Variants in GOLGA8S observed in about 807,000 individuals in gnomAD.
GOLGA8S encodes golgin subfamily A member 8S.
In GOLGA8S, 23 loss-of-function variants were observed where a neutral mutation model predicts 58.9. The ratio of observed to expected loss-of-function variants is 0.39; its 90% confidence interval spans 0.28 to 0.55. GOLGA8S has a LOEUF of 0.55. Ranked by LOEUF, GOLGA8S falls within the 20% of genes least tolerant of loss-of-function variation. GOLGA8S has a pLI of 0.63. For synonymous variants in GOLGA8S, 84 were observed against 195.7 expected (o/e 0.43, Z 4.76); for missense variants, 266 against 514.2 (o/e 0.52, Z 4.67).
rs755924931 is a variant in GOLGA8S, at chr15:23,360,768, G to A, written c.827G>A (p.Arg276Gln). Residue 276 changes from arginine to glutamine, a missense_variant, in exon 11 of 19, where the codon CGG (arginine) becomes CAG (glutamine). By Grantham distance (43) the Arg-to-Gln change is conservative. Transcript: ENST00000562295. ...AAGGAGAAGAAGCATGATAAATATC[G>A]GGTAGAGACGCTGGAGAGGAGCTTG... 20 of 1,380,954 alleles carry A rather than the reference G, an allele frequency of 1.4e-5. 1 individual carries two copies. Among genetic ancestry groups the A allele is most frequent in the Non-Finnish European group, 1.9e-5 (18 of 971,384 alleles). The allele number at this position is 1,380,954 out of a possible 1,614,324, so 85.5% of individuals were successfully genotyped here. A position where few individuals can be genotyped will look rare whatever the true frequency, so the allele number is the denominator to read the frequency against.
intron 13 of GOLGA8S, among the ~76,000 whole-genome samples, chr15:23,362,593 G>T (rs1250683733): frequency 7.2e-6 from 1 of 138,794 alleles, no homozygotes. Context: ...ATGGTGGTTG[G>T]CTCCCACTAC....
exon 11 of GOLGA8S, chr15:23,360,783 A>G: frequency 1.4e-6 from 2 of 1,429,522 alleles, no homozygotes; most frequent in Non-Finnish European, 2.0e-6. Context: ...GAGACGCTGG[A>G]GAGGAGCTTG....
chr15:23,366,202 A>T (rs1041576098), downstream of GOLGA8S: 2 of 151,684 alleles, frequency 1.3e-5, no homozygotes, highest in African/African-American at 4.8e-5. Flanking sequence ...GCTCTAGTCA[A>T]GAATGAATTA....
At chr15:23,364,308 G>C (rs780347160) in intron 15 of GOLGA8S, 35 bp from the exon 16 acceptor site, 1 of 1,596,564 alleles carries the variant, frequency 6.3e-7, no homozygotes, top group East Asian at 2.2e-5. Context: ...AGGGCAGGTC[G>C]CTGCCGAGAT....
chr15:23,365,067 C>G lies in GOLGA8S; in HGVS notation c.1811C>G (p.Pro604Arg), dbSNP rs769586314. 7 of 1,580,540 alleles carry G rather than the reference C, an allele frequency of 4.4e-6. 2 individuals carry two copies. Among genetic ancestry groups the G allele is most frequent in the African/African-American group, 4.2e-5 (3 of 70,970 alleles). Residue 604 changes from proline (P) to arginine (R), a missense_variant, in exon 19 of 19, where the codon CCA (proline) becomes CGA (arginine). Around this residue, in one of 6 missense-constraint regions of GOLGA8S, gnomAD observed 36 missense variants for 39.6 expected, o/e 0.91. Transcript: ENST00000562295. ...ATCGTGCAGGACCACCAGGAGCACC[C>G]AGGCTTGGGCAACAACTGCTGTGTG... is the stretch of plus-strand genomic sequence containing the variant.
exon 19 of GOLGA8S, chr15:23,365,109 C>T: frequency 6.3e-7 from 1 of 1,587,726 alleles, no homozygotes; most frequent in South Asian, 1.1e-5. Context: ...TTTTGCTGGG[C>T]TTGGCTGCCA....
chr15:23,365,688 G>A (rs1382159971), downstream of GOLGA8S: 1 of 173,322 alleles, frequency 5.8e-6, no homozygotes, highest in Non-Finnish European at 1.2e-5. Context: ...TAAAGGCCAA[G>A]AACTGGAAAC....
downstream of GOLGA8S, among the ~76,000 whole-genome samples, chr15:23,367,825 A>C (rs938215129): frequency 3.9e-5 from 6 of 151,952 alleles, no homozygotes; most frequent in African/African-American, 1.4e-4. Context: ...TTTCTGTAGG[A>C]AGAATCAAAA....
At chr15:23,359,483 C>A (rs3938280) in intron 8 of GOLGA8S, among the ~76,000 whole-genome samples, 240 of 144,442 alleles carry the variant, frequency 1.7e-3, no homozygotes, top group African/African-American at 5.8e-3. Context: ...GCCAAGTCCT[C>A]AGTGGGTATT....
chr15:23,362,824 G>C (rs1224342590), intron 13 of GOLGA8S, among the ~76,000 whole-genome samples: 2 of 143,166 alleles, frequency 1.4e-5, no homozygotes, highest in East Asian at 3.9e-4. Context: ...TCACACCCAG[G>C]GTCTTCCTGC....
chr15:23,360,646 G>A (rs1182690006), intron 10 of GOLGA8S, 82 bp from the exon 11 acceptor site: 18 of 1,250,800 alleles, frequency 1.4e-5, no homozygotes, highest in Non-Finnish European at 2.1e-5. Context: ...GCTTTGTGGA[G>A]GTGGGGGCAG....
chr15:23,356,123 C>T (rs543620565), intron 1 of GOLGA8S, among the ~76,000 whole-genome samples: 1 of 142,850 alleles, frequency 7.0e-6, no homozygotes, highest in South Asian at 2.3e-4. Flanking sequence ...CTTGGGTTGT[C>T]CTCTTTCTGA....
intron 1 of GOLGA8S, among the ~76,000 whole-genome samples, chr15:23,356,390 C>A (rs1361535575): frequency 7.8e-6 from 1 of 128,786 alleles, no homozygotes; most frequent in Non-Finnish European, 1.7e-5. Context: ...GTTCATCTGT[C>A]GCCTTTTTCT....
intron 1 of GOLGA8S, among the ~76,000 whole-genome samples, chr15:23,356,274 C>A (rs1463641519): frequency 6.9e-6 from 1 of 144,748 alleles, no homozygotes; most frequent in African/African-American, 2.5e-5. Flanking sequence ...ACAGTTCCTG[C>A]CTACTTAATG....
At chr15:23,365,659 A>G (rs1001857218), downstream of GOLGA8S, 6 of 190,750 alleles carry the variant, frequency 3.1e-5, no homozygotes, top group African/African-American at 1.4e-4. Flanking sequence ...CACTATGAGT[A>G]CTGACATTTA....
In GOLGA8S at chr15:23,359,390, TGGG is replaced by T. The variant is rs995098330; in HGVS notation, c.591+185_591+187del. ...ACTGAGTCAGCTGCTGTGGGTGAGT[TGGG>T]GGGCACTCTGGGGACAAAGCACAGG... On this transcript the variant is annotated intron_variant, in intron 8 of 18. Transcript: ENST00000562295. Among the ~76,000 whole-genome samples the T allele has an allele frequency of 4.2e-5, 6 of 142,388 alleles. 1 individual carries two copies. Among genetic ancestry groups the T allele is most frequent in the African/African-American group, 1.6e-4 (6 of 38,322 alleles). 93.4% of individuals were successfully genotyped at this position (142,388 alleles called of 152,430 possible). A position where few individuals can be genotyped will look rare whatever the true frequency, so the allele number is the denominator to read the frequency against.
exon 12 of GOLGA8S, chr15:23,361,282 G>A (rs1482859298): frequency 3.8e-5 from 56 of 1,457,672 alleles, no homozygotes; most frequent in Non-Finnish European, 5.3e-5. Flanking sequence ...AGCACCTGAG[G>A]AAGGAACTAG....
At chr15:23,365,035 A>C in exon 19 of GOLGA8S, 1 of 1,580,708 alleles carries the variant, frequency 6.3e-7, no homozygotes, top group Non-Finnish European at 8.6e-7. Flanking sequence ...AGCCTACTGC[A>C]CAGCCGATCG....
At chr15:23,364,036 C>A (rs2069858709) in intron 15 of GOLGA8S, among the ~76,000 whole-genome samples, 1 of 137,076 alleles carries the variant, frequency 7.3e-6, no homozygotes, top group Non-Finnish European at 1.6e-5. Context: ...TGGCATTTTT[C>A]AAGTCCGCTG....
Sources: gnomAD v4.1 joint callset for allele counts (sites outside exome capture counted in the v4.1 genomes callset) on GRCh38, gnomAD v4.1.1 for gene constraint, gnomAD v4.1.1 regional missense constraint, MANE v1.5 for transcripts, NCBI Gene and HGNC (gene_info 2026-07-23, HGNC 2026-07-21) for gene names.